TANGO6: variants seen among roughly 807,000 people sequenced by gnomAD.
TANGO6 encodes transport and Golgi organization protein 6 homolog.
A neutral mutation model predicts 114.2 loss-of-function variants in TANGO6; 90 were observed. The observed-to-expected ratio is 0.79, with a 90% CI of 0.66 to 0.94. TANGO6 has a LOEUF of 0.94. Ranked by LOEUF, TANGO6 falls within the 40% of genes least tolerant of loss-of-function variation. The pLI is 0.00. For missense variants in TANGO6, 1,274 were observed against 1,315.3 expected (o/e 0.97, Z 0.49); for synonymous variants, 477 against 509.8 (o/e 0.94, Z 0.87).
intron 7 of TANGO6, among the ~76,000 whole-genome samples, chr16:68,888,975 C>T (rs1187943831): frequency 6.6e-6 from 1 of 152,172 alleles, no homozygotes. Context: ...AGGCATGTGC[C>T]ACCATGCCCG....
At chr16:69,050,606 C>A (rs1442288434) in intron 17 of TANGO6, among the ~76,000 whole-genome samples, 3 of 151,998 alleles carry the variant, frequency 2.0e-5, no homozygotes, top group Non-Finnish European at 2.9e-5. Flanking sequence ...TCTCCTGCCC[C>A]AGCCTCTTGA....
intron 14 of TANGO6, among the ~76,000 whole-genome samples, chr16:68,961,218 T>C (rs1178700936): frequency 6.6e-6 from 1 of 152,232 alleles, no homozygotes; most frequent in Non-Finnish European, 1.5e-5. Context: ...TACTTGAAAC[T>C]GTGAAGTTTG....
intron 15 of TANGO6, among the ~76,000 whole-genome samples, chr16:69,012,521 A>C (rs1013000423): frequency 1.4e-5 from 2 of 138,870 alleles, no homozygotes; most frequent in African/African-American, 2.8e-5. Flanking sequence ...GTGCCATTGC[A>C]CTCCAGCCTG....
Position 69,084,618 on chromosome 16 carries a change from T to C in TANGO6, c.*957T>C, listed in dbSNP as rs1002462644. 1 of 152,372 alleles carries C rather than the reference T, an allele frequency of 6.6e-6. No individual in the cohort carries two copies. Among genetic ancestry groups the C allele is most frequent in the African/African-American group, 2.4e-5 (1 of 41,458 alleles). The allele number at this position is 152,372 out of a possible 1,614,324, so 9.4% of individuals were successfully genotyped here. ...ATATGTTTTGGCCGCTGCATTTTGA[T>C]TGCAGCTAAAAGAGATAACAGAAAG... On this transcript the variant is annotated 3_prime_UTR_variant, in exon 18 of 18. Transcript: ENST00000261778.
chr16:69,038,306 T>G (rs964611321), intron 16 of TANGO6, among the ~76,000 whole-genome samples: 3 of 152,044 alleles, frequency 2.0e-5, no homozygotes, highest in African/African-American at 7.2e-5. Flanking sequence ...GACACGCGCC[T>G]GTAGTCCTAC....
intron 17 of TANGO6, among the ~76,000 whole-genome samples, chr16:69,052,837 G>A (rs898465740): frequency 3.9e-5 from 6 of 152,066 alleles, no homozygotes; most frequent in Admixed American, 6.6e-5. Flanking sequence ...TGCCAGGCAC[G>A]GTGGCTCATG....
At chr16:69,055,564 G>A (rs1223547931) in intron 17 of TANGO6, among the ~76,000 whole-genome samples, 1 of 152,242 alleles carries the variant, frequency 6.6e-6, no homozygotes, top group Non-Finnish European at 1.5e-5. Flanking sequence ...TGGGCCAGGT[G>A]TGGTGTGTGG....
chr16:69,066,078 G>A (rs1313106326), intron 17 of TANGO6, among the ~76,000 whole-genome samples: 3 of 152,108 alleles, frequency 2.0e-5, no homozygotes, highest in Non-Finnish European at 4.4e-5. Flanking sequence ...AGAGCTTCCA[G>A]TGTGCCAGCT....
In TANGO6 at chr16:68,884,562, T is replaced by C. The variant is rs7198293; in HGVS notation, c.1377+3932T>C. On this transcript the variant is annotated intron_variant, in intron 7 of 17. Coordinates refer to ENST00000261778, the MANE Select transcript of TANGO6 (RefSeq NM_024562.2). ...GAAAGACCATGTCCCATCTAAGAAA[T>C]AGCATGATGAAAAACTGCCAAGTGG... Among the ~76,000 whole-genome samples the C allele has an allele frequency of 8.1e-3, 1,232 of 152,162 alleles. 15 individuals are homozygous for C. Among genetic ancestry groups the C allele is most frequent in the African/African-American group, 0.029 (1,186 of 41,500 alleles).
chr16:68,968,141 A>G (rs991029653), intron 14 of TANGO6, among the ~76,000 whole-genome samples: 5 of 151,796 alleles, frequency 3.3e-5, no homozygotes, highest in African/African-American at 1.2e-4. Flanking sequence ...TCTCGGTTCA[A>G]TGCAACCTCC....
intron 15 of TANGO6, among the ~76,000 whole-genome samples, chr16:69,015,980 C>A (rs919750503): frequency 6.6e-6 from 1 of 152,182 alleles, no homozygotes; most frequent in Non-Finnish European, 1.5e-5. Flanking sequence ...TTCCACCAGG[C>A]CCTCACATGC....
intron 14 of TANGO6, among the ~76,000 whole-genome samples, chr16:68,934,463 T>C (rs193052849): frequency 3.2e-4 from 48 of 152,252 alleles, no homozygotes; most frequent in African/African-American, 1.1e-3. Flanking sequence ...AGAGACAAAA[T>C]GACCACCCAA....
In TANGO6 at chr16:68,909,230, C is replaced by T. The variant is rs745645643; in HGVS notation, c.1820C>T (p.Ser607Leu). 10 of 1,584,886 alleles carry T rather than the reference C, an allele frequency of 6.3e-6. No individual in the cohort carries two copies. Among genetic ancestry groups the T allele is most frequent in the South Asian group, 3.4e-5 (3 of 87,284 alleles). ...FCLKELTHVASENETELKTEP... is the reference protein window; with the variant it reads ...FCLKELTHVALENETELKTEP... Reference sequence around the variant, plus strand: ...TTGTAGGAGTTGACTCATGTGGCCTCGGAAAATGAAACAGAGTTAAAAACT... The same window carrying T: ...TTGTAGGAGTTGACTCATGTGGCCTTGGAAAATGAAACAGAGTTAAAAACT... The change falls in exon 11 of 18, where the codon TCG becomes TTG. Residue 607 changes from serine (S) to leucine (L), a missense_variant. Physicochemically the swap from Ser to Leu is moderately radical, Grantham distance 145. Around this residue, in one of 5 missense-constraint regions of TANGO6, gnomAD observed 908 missense variants for 910.2 expected, o/e 1.00. Transcript: ENST00000261778.
In TANGO6 at chr16:68,983,192, A is replaced by G. The variant is rs190638624; in HGVS notation, c.2842+9024A>G. 1.9e-3 allele frequency among the ~76,000 whole-genome samples: 287 copies of G among 152,228 alleles called. 1 individual carries two copies. The highest frequency in any genetic ancestry group is 3.1e-3 in the Admixed American group (48 of 15,278). ...GTATGTGGCTCTCATTTGGATCCCCAGTTTGGGTCGGAAATCCTTGGTGGA... is the reference window on the plus strand; with the variant it reads ...GTATGTGGCTCTCATTTGGATCCCCGGTTTGGGTCGGAAATCCTTGGTGGA... On this transcript the variant is annotated intron_variant, in intron 15 of 17. Transcript: ENST00000261778.
In TANGO6 at chr16:68,860,041, A is replaced by G; in HGVS notation, c.252A>G (p.Pro84=). The change falls in exon 2 of 18, where the codon CCA becomes CCG. Residue 84 remains proline, a synonymous_variant. Transcript: ENST00000261778. The stretch of plus-strand genomic sequence containing the variant: ...AAATTGCTGATAAGGCAGAATGGCC[A>G]CAAAACTCTGTGGATGTCACTTGGA... ...RDEIADKAEW[P]QNSVDVTWSF... 1 of 1,614,012 alleles carries G rather than the reference A, an allele frequency of 6.2e-7. No individual in the cohort carries two copies.
At chr16:68,844,514 G>A (rs763049355) in intron 1 of TANGO6, among the ~76,000 whole-genome samples, 6 of 152,148 alleles carry the variant, frequency 3.9e-5, no homozygotes, top group Admixed American at 1.3e-4. Context: ...ATATTTGGGG[G>A]AAGGGATGGG....
intron 4 of TANGO6, among the ~76,000 whole-genome samples, chr16:68,872,111 C>T (rs1262719677): frequency 6.6e-6 from 1 of 151,502 alleles, no homozygotes; most frequent in Non-Finnish European, 1.5e-5. Flanking sequence ...GTCCCAGCTA[C>T]TCAGGAGGCT....
chr16:68,895,990 C>T (rs1013724150), intron 7 of TANGO6, among the ~76,000 whole-genome samples: 3 of 149,954 alleles, frequency 2.0e-5, no homozygotes, highest in Non-Finnish European at 4.4e-5. Flanking sequence ...ACTCTGTCAC[C>T]CAGGCTGGAG....
intron 6 of TANGO6, among the ~76,000 whole-genome samples, chr16:68,878,847 C>T (rs1962411391): frequency 6.6e-6 from 1 of 151,528 alleles, no homozygotes; most frequent in Admixed American, 6.6e-5. Context: ...CTTAGGCGGG[C>T]AGATTGCTTG....
Sources: allele counts gnomAD v4.1 joint callset (sites outside exome capture counted in the v4.1 genomes callset), GRCh38; gene constraint gnomAD v4.1.1; regional missense constraint gnomAD v4.1.1; transcripts MANE v1.5; gene names NCBI Gene and HGNC (gene_info 2026-07-23, HGNC 2026-07-21).